Variants in KITLG observed in about 807,000 individuals in gnomAD.
KITLG encodes the protein KIT ligand.
A neutral mutation model predicts 34.1 loss-of-function variants in KITLG; 13 were observed. That is an observed-to-expected ratio of 0.38 (90% CI 0.25 to 0.61). The LOEUF (loss-of-function observed/expected upper bound fraction) is 0.61. Among genes scored for constraint, KITLG ranks in the 20% least tolerant of loss-of-function variants. The pLI, the probability that KITLG is intolerant of heterozygous loss-of-function variation, is 0.60. For missense variants in KITLG, 292 were observed against 318.9 expected (o/e 0.92, Z 0.64); for synonymous variants, 110 against 104.0 (o/e 1.06, Z -0.35).
At chr12:88,544,629 T>C (rs1328343109) in intron 2 of KITLG, among the ~76,000 whole-genome samples, 3 of 152,088 alleles carry the variant, frequency 2.0e-5, no homozygotes, top group Non-Finnish European at 4.4e-5. Flanking sequence ...GACATACTGA[T>C]ACATCTGCTG....
intron 7 of KITLG, 73 bp downstream of exon 7, chr12:88,506,955 T>C (rs928233224): frequency 7.0e-5 from 63 of 894,344 alleles, no homozygotes; most frequent in Non-Finnish European, 1.1e-4. Context: ...TAAAGGATCA[T>C]TTCTTGAGGA....
At chr12:88,510,903 A>G (rs1320951925) in intron 6 of KITLG, among the ~76,000 whole-genome samples, 1 of 152,176 alleles carries the variant, frequency 6.6e-6, no homozygotes, top group African/African-American at 2.4e-5. Flanking sequence ...GCATAATTCT[A>G]TTATGATACA....
intron 1 of KITLG, among the ~76,000 whole-genome samples, chr12:88,561,282 T>G (rs1399169556): frequency 6.6e-6 from 1 of 152,204 alleles, no homozygotes; most frequent in African/African-American, 2.4e-5. Flanking sequence ...TATAAATGTT[T>G]GCTATGGCTA....
chr12:88,562,407 A>G (rs916875656), intron 1 of KITLG, among the ~76,000 whole-genome samples: 17 of 152,194 alleles, frequency 1.1e-4, no homozygotes, highest in Admixed American at 5.9e-4. Context: ...AGTTTTGCTT[A>G]TTATCTGTTT....
chr12:88,567,141 A>G (rs1871469671), intron 1 of KITLG, among the ~76,000 whole-genome samples: 1 of 152,112 alleles, frequency 6.6e-6, no homozygotes, highest in Admixed American at 6.5e-5. Flanking sequence ...ACTTTAATAT[A>G]TATATATTTG....
At chr12:88,544,648 T>C (rs1029035098) in intron 2 of KITLG, among the ~76,000 whole-genome samples, 9 of 152,132 alleles carry the variant, frequency 5.9e-5, no homozygotes, top group African/African-American at 9.7e-5. Flanking sequence ...TGCTGCTGCA[T>C]GGAAGAATGC....
At chr12:88,527,245 G>T (rs1449435398) in intron 3 of KITLG, among the ~76,000 whole-genome samples, 2 of 152,092 alleles carry the variant, frequency 1.3e-5, no homozygotes, top group African/African-American at 2.4e-5. Flanking sequence ...GCCATTCAAT[G>T]AATATAAAGA....
intron 2 of KITLG, among the ~76,000 whole-genome samples, chr12:88,545,254 CCTCT>C (rs1244051387): frequency 6.6e-6 from 1 of 152,200 alleles, no homozygotes; most frequent in Non-Finnish European, 1.5e-5. Flanking sequence ...CAATGAATCA[CCTCT>C]CTATGTTCCC....
At chr12:88,514,060 T>G (rs1869372558) in intron 6 of KITLG, among the ~76,000 whole-genome samples, 1 of 151,636 alleles carries the variant, frequency 6.6e-6, no homozygotes, top group African/African-American at 2.4e-5. Flanking sequence ...TCAAACTTTT[T>G]GACATCAAAC....
At position 88,580,380 on chromosome 12, in the gene KITLG, TC is replaced by T; in HGVS notation, c.-103del. Reference sequence around the variant, plus strand: ...TTGCACGAACAGCGGCGGCAGATAGTCCACGCATTGGGTAGCCCGAGCGCAG... The same window carrying T: ...TTGCACGAACAGCGGCGGCAGATAGTCACGCATTGGGTAGCCCGAGCGCAG... On this transcript the variant is annotated 5_prime_UTR_variant, in exon 1 of 10. Transcript: ENST00000644744. 1 of 1,353,294 alleles carries T rather than the reference TC, an allele frequency of 7.4e-7. No individual in the cohort carries two copies. Among genetic ancestry groups the T allele is most frequent in the Non-Finnish European group, 1.0e-6 (1 of 961,426 alleles). The allele number at this position is 1,353,294 out of a possible 1,614,324, so 83.8% of individuals were successfully genotyped here. A position where few individuals can be genotyped will look rare whatever the true frequency, so the allele number is the denominator to read the frequency against.
intron 8 of KITLG, among the ~76,000 whole-genome samples, chr12:88,505,737 A>T (rs1869031459): frequency 1.3e-5 from 2 of 152,204 alleles, no homozygotes; most frequent in Non-Finnish European, 2.9e-5. Flanking sequence ...AAAATAAAAG[A>T]TATATAAAAT....
chr12:88,577,621 C>A (rs1197634419), intron 1 of KITLG, among the ~76,000 whole-genome samples: 1 of 126,166 alleles, frequency 7.9e-6, no homozygotes, highest in Non-Finnish European at 1.8e-5. Context: ...ACCACACAAT[C>A]TGAATAAAAT....
At chr12:88,553,692 C>T (rs1214490405) in intron 1 of KITLG, among the ~76,000 whole-genome samples, 1 of 152,056 alleles carries the variant, frequency 6.6e-6, no homozygotes, top group African/African-American at 2.4e-5. Context: ...CCTTTCATTG[C>T]TAAATGTTGC....
intron 3 of KITLG, among the ~76,000 whole-genome samples, chr12:88,524,661 G>A (rs1158934856): frequency 6.6e-6 from 1 of 151,742 alleles, no homozygotes. Context: ...ATTTCTATCA[G>A]AGAATAATGG....
At chr12:88,497,847 C>A (rs914159285) in intron 9 of KITLG, among the ~76,000 whole-genome samples, 1 of 152,116 alleles carries the variant, frequency 6.6e-6, no homozygotes, top group Admixed American at 6.6e-5. Context: ...TTCTAGCAAT[C>A]ATTTCTTCCA....
intron 1 of KITLG, among the ~76,000 whole-genome samples, chr12:88,549,082 C>T (rs752957534): frequency 5.9e-5 from 9 of 152,140 alleles, no homozygotes; most frequent in Non-Finnish European, 1.3e-4. Flanking sequence ...GAGAGAAAAG[C>T]TGGTGCCAAG....
At chr12:88,535,967 A>T (rs1870302227) in intron 2 of KITLG, among the ~76,000 whole-genome samples, 1 of 152,170 alleles carries the variant, frequency 6.6e-6, no homozygotes. Flanking sequence ...AACTTAGTAA[A>T]CACCATTCTG....
At chr12:88,579,820 G>C (rs1449414303) in intron 1 of KITLG, among the ~76,000 whole-genome samples, 1 of 89,866 alleles carries the variant, frequency 1.1e-5, no homozygotes, top group East Asian at 3.2e-4. Context: ...CGCCCACCTC[G>C]GGGCTACACA....
At chr12:88,504,592 A>T (rs1868980403) in intron 9 of KITLG, among the ~76,000 whole-genome samples, 1 of 152,162 alleles carries the variant, frequency 6.6e-6, no homozygotes, top group African/African-American at 2.4e-5. Context: ...TAGAATGGTG[A>T]TCATTAAAAA....
Sources: gnomAD v4.1 joint callset for allele counts (sites outside exome capture counted in the v4.1 genomes callset) on GRCh38, gnomAD v4.1.1 for gene constraint, MANE v1.5 for transcripts, NCBI Gene and HGNC (gene_info 2026-07-23, HGNC 2026-07-21) for gene names.